The following PELP1 variants were observed in gnomAD, a reference collection of about 807,000 sequenced individuals.
PELP1 encodes the protein proline-, glutamic acid- and leucine-rich protein 1.
In PELP1, 32 loss-of-function variants were observed where a neutral mutation model predicts 95.5. That is an observed-to-expected ratio of 0.34 (90% confidence interval 0.25 to 0.45). PELP1 has a LOEUF of 0.45. Among genes scored for constraint, PELP1 ranks in the 20% least tolerant of loss-of-function variants. The probability of loss-of-function intolerance (pLI) is 1.00; values close to 1 mark genes in which losing one functional copy is unlikely to be tolerated. For missense variants in PELP1, 1,358 were observed against 1,444.8 expected (o/e 0.94, Z 0.97); for synonymous variants, 668 against 600.1 (o/e 1.11, Z -1.65).
At chr17:4,700,201 G>C (rs901968345) in intron 1 of PELP1, among the ~76,000 whole-genome samples, 20 of 152,124 alleles carry the variant, frequency 1.3e-4, no homozygotes, top group Admixed American at 1.2e-3. Flanking sequence ...CATCACGCCT[G>C]GCCGAGGATG....
In PELP1 at chr17:4,675,317, T is replaced by G. The variant is rs991701872; in HGVS notation, c.1114A>C (p.Ile372Leu). Reference sequence around the variant, plus strand: ...AGCAGGTCCAAGGCCTCAAGGTGGATAGAGGGCAGCAGCAGCAGCCGCAGG... The same window carrying G: ...AGCAGGTCCAAGGCCTCAAGGTGGAGAGAGGGCAGCAGCAGCAGCCGCAGG... ...GPLRLLLLPS[I>L]HLEALDLLSA... The change falls in exon 10 of 17, where the codon ATC becomes CTC. Residue 372 changes from isoleucine (I) to leucine (L), a missense_variant. Physicochemically the swap from Ile to Leu is conservative, Grantham distance 5 (BLOSUM62 2). Transcript: ENST00000572293. The surrounding 1 kb of genome is among the most constrained non-coding windows in gnomAD (Gnocchi z 4.3). The G allele has an allele frequency of 6.4e-7, 1 of 1,565,308 alleles. No individual in the cohort carries two copies. The highest frequency in any genetic ancestry group is 1.9e-5 in the Admixed American group (1 of 52,176).
In PELP1 at chr17:4,670,085, G is replaced by A. The variant is rs1208519230; in HGVS notation, c.*1354C>T. ...AGTTAACATGACTAAATGTTAATTGGCAAATCTAGGCAAAGGTTATCTATT... is the reference window on the plus strand; with the variant it reads ...AGTTAACATGACTAAATGTTAATTGACAAATCTAGGCAAAGGTTATCTATT... On this transcript the variant is annotated 3_prime_UTR_variant, in exon 17 of 17. Transcript: ENST00000572293. 6.6e-6 allele frequency: 1 copy of A among 152,164 alleles called. No homozygotes were observed. The highest frequency in any genetic ancestry group is 1.5e-5 in the Non-Finnish European group (1 of 68,036). The allele number at this position is 152,164 out of a possible 1,614,324, so 9.4% of individuals were successfully genotyped here. A position where few individuals can be genotyped will look rare whatever the true frequency, so the allele number is the denominator to read the frequency against.
At chr17:4,689,598 A>G (rs895999938) in intron 3 of PELP1, among the ~76,000 whole-genome samples, 1 of 152,234 alleles carries the variant, frequency 6.6e-6, no homozygotes, top group African/African-American at 2.4e-5. Flanking sequence ...CAATCCCACT[A>G]CTGGACATCT....
intron 1 of PELP1, among the ~76,000 whole-genome samples, chr17:4,693,714 G>C (rs1913193430): frequency 6.6e-6 from 1 of 152,146 alleles, no homozygotes; most frequent in Admixed American, 6.5e-5. Flanking sequence ...GTCCCAGGTA[G>C]GATGAAGCAG....
chr17:4,675,340 A>G lies in PELP1; in HGVS notation c.1091T>C (p.Leu364Pro). The change falls in exon 10 of 17, where the codon CTG becomes CCG. Residue 364 changes from leucine to proline, a missense_variant. Transcript: ENST00000572293. This position sits in a 1 kb window ranked among gnomAD's most constrained non-coding sequence, Gnocchi z 4.3. ...GATAGAGGGCAGCAGCAGCAGCCGC[A>G]GGGGACCATCTCCATGCAAGCTCTG... ...KNISLHGDGPLRLLLLPSIHL... is the reference protein window; with the variant it reads ...KNISLHGDGPPRLLLLPSIHL... The G allele has an allele frequency of 6.4e-7, 1 of 1,555,338 alleles. No individual in the cohort carries two copies. The highest frequency in any genetic ancestry group is 8.7e-7 in the Non-Finnish European group (1 of 1,148,476).
At chr17:4,697,428 T>C (rs1450192575) in intron 1 of PELP1, among the ~76,000 whole-genome samples, 1 of 152,118 alleles carries the variant, frequency 6.6e-6, no homozygotes, top group Non-Finnish European at 1.5e-5. Flanking sequence ...CAGGGCGGAC[T>C]GCCTCAGCCT....
At position 4,675,347 on chromosome 17, in the gene PELP1, C is replaced by T. The variant is rs1191715668; in HGVS notation, c.1084G>A (p.Gly362Ser). 1.3e-6 allele frequency: 2 copies of T among 1,547,080 alleles called. No individual in the cohort carries two copies. Among genetic ancestry groups the T allele is most frequent in the Admixed American group, 3.9e-5 (2 of 51,186 alleles). Residue 362 changes from glycine (G) to serine (S), a missense_variant, in exon 10 of 17, where the codon GGT (glycine) becomes AGT (serine). This residue lies in a region of PELP1 where 538 missense variants were observed against 628.1 expected (regional missense o/e 0.86). Coordinates refer to ENST00000572293, the MANE Select transcript of PELP1 (RefSeq NM_014389.3). The surrounding 1 kb of genome is among the most constrained non-coding windows in gnomAD (Gnocchi z 4.3). ...SSKNISLHGD[G>S]PLRLLLLPSI... ...GGCAGCAGCAGCAGCCGCAGGGGAC[C>T]ATCTCCATGCAAGCTCTGGAGAAAA...
chr17:4,672,716 T>C lies in PELP1; in HGVS notation c.2275A>G (p.Arg759Gly). Residue 759 changes from arginine (R) to glycine (G), a missense_variant, in exon 16 of 17, where the codon AGA becomes GGA. Transcript: ENST00000572293. Reference sequence around the variant, plus strand: ...TGGACAAAGGCTGGTCTGGGCACTCTCCCCCCAAAAGTTTCATCTGGGGGT... The same window carrying C: ...TGGACAAAGGCTGGTCTGGGCACTCCCCCCCCAAAAGTTTCATCTGGGGGT... ...TIPPDETFGG[R>G]VPRPAFVHYD... 6.2e-7 allele frequency: 1 copy of C among 1,613,046 alleles called. No individual in the cohort carries two copies. Among genetic ancestry groups the C allele is most frequent in the Non-Finnish European group, 8.5e-7 (1 of 1,179,560 alleles).
rs577449650 is a variant in PELP1, at chr17:4,704,118, C to G, written c.-7G>C. On this transcript the variant is annotated 5_prime_UTR_variant, in exon 1 of 17. Transcript: ENST00000572293. Reference sequence around the variant, plus strand: ...TCAGAACGGCTGCCGCCATCTTCCCCCGGGTTCCAGTGGTGGCGTGGCGCG... The same window carrying G: ...TCAGAACGGCTGCCGCCATCTTCCCGCGGGTTCCAGTGGTGGCGTGGCGCG... 1.5e-4 allele frequency: 246 copies of G among 1,604,002 alleles called. 1 individual carries two copies. The African/African-American group carries it at 3.0e-3, about 19-fold the overall frequency.
intron 5 of PELP1, among the ~76,000 whole-genome samples, chr17:4,679,013 G>C (rs1177889990): frequency 6.6e-6 from 1 of 151,630 alleles, no homozygotes; most frequent in Non-Finnish European, 1.5e-5. Context: ...CCTCAACAGA[G>C]GGAAGTTCTC....
In PELP1 at chr17:4,673,699, A is replaced by C. The variant is rs963097381; in HGVS notation, c.1583-25T>G. 1 of 1,609,338 alleles carries C rather than the reference A, an allele frequency of 6.2e-7. No homozygotes were observed. ...CCTGGGGAAGAAGAATGGTGTGTAA[A>C]GGGTAGGCTCCCAACAGACTGACGG... On this transcript the variant is annotated intron_variant, in intron 13 of 16. Transcript: ENST00000572293. This position sits in a 1 kb window ranked among gnomAD's most constrained non-coding sequence, Gnocchi z 5.7.
intron 3 of PELP1, among the ~76,000 whole-genome samples, chr17:4,683,322 G>A (rs1019308637): frequency 1.2e-4 from 18 of 150,506 alleles, no homozygotes; most frequent in African/African-American, 3.9e-4. Context: ...CCGGGTTCAC[G>A]CCATTCTCCT....
chr17:4,682,469 C>A (rs1298339266), intron 5 of PELP1, 33 bp downstream of exon 5: 1 of 1,411,660 alleles, frequency 7.1e-7, no homozygotes, highest in East Asian at 2.3e-5. Context: ...TCAACGCTTA[C>A]ACTGGTGGGG....
At chr17:4,703,808 C>T in intron 1 of PELP1, 55 bp downstream of exon 1, 3 of 1,482,748 alleles carry the variant, frequency 2.0e-6, no homozygotes, top group Non-Finnish European at 2.8e-6. Flanking sequence ...TCCCGGCGCA[C>T]AGGTGCCGCG....
chr17:4,672,721 C>A lies in PELP1; in HGVS notation c.2270G>T (p.Gly757Val), dbSNP rs748631878. The change falls in exon 16 of 17, where the codon GGG becomes GTG. Residue 757 changes from glycine (G) to valine (V), a missense_variant. Physicochemically the swap from Gly to Val is moderately radical, Grantham distance 109 (BLOSUM62 -3). This residue lies in a region of PELP1 where 340 missense variants were observed against 322.9 expected (regional missense o/e 1.05). Coordinates refer to ENST00000572293, the MANE Select transcript of PELP1 (RefSeq NM_014389.3). ...AAAGGCTGGTCTGGGCACTCTCCCC[C>A]CAAAAGTTTCATCTGGGGGTATAGT... Reference protein sequence around the residue: ...PPTIPPDETFGGRVPRPAFVH... With the variant: ...PPTIPPDETFVGRVPRPAFVH... 1.4e-4 allele frequency: 229 copies of A among 1,613,218 alleles called. 1 individual carries two copies. Among genetic ancestry groups the A allele is most frequent in the Non-Finnish European group, 1.9e-4 (219 of 1,179,662 alleles).
At chr17:4,690,023 CGA>C (rs1229585015) in intron 3 of PELP1, among the ~76,000 whole-genome samples, 1 of 151,482 alleles carries the variant, frequency 6.6e-6, no homozygotes, top group Non-Finnish European at 1.5e-5. Flanking sequence ...AAAACTCTGT[CGA>C]GAGAGAGACA....
chr17:4,702,681 C>A (rs1913590552), intron 1 of PELP1, among the ~76,000 whole-genome samples: 1 of 152,128 alleles, frequency 6.6e-6, no homozygotes, highest in South Asian at 2.1e-4. Flanking sequence ...TTGACCCACC[C>A]AGCAAATTGT....
At chr17:4,695,434 G>T (rs1913261032) in intron 1 of PELP1, among the ~76,000 whole-genome samples, 1 of 151,960 alleles carries the variant, frequency 6.6e-6, no homozygotes, top group African/African-American at 2.4e-5. Flanking sequence ...GGAAACCAAG[G>T]CAGGCGAATC....
chr17:4,693,824 G>T (rs997567851), intron 1 of PELP1, among the ~76,000 whole-genome samples: 1 of 152,182 alleles, frequency 6.6e-6, no homozygotes, highest in Non-Finnish European at 1.5e-5. Flanking sequence ...TTCAGACCAC[G>T]GTTGACCACA....
Sources: allele counts gnomAD v4.1 joint callset (sites outside exome capture counted in the v4.1 genomes callset), GRCh38; gene constraint gnomAD v4.1.1; regional missense constraint gnomAD v4.1.1; non-coding constraint Gnocchi (gnomAD v3.1); transcripts MANE v1.5; gene names NCBI Gene and HGNC (gene_info 2026-07-23, HGNC 2026-07-21).